C6orf52: variants seen among roughly 807,000 people sequenced by gnomAD.
C6orf52 encodes putative uncharacterized protein C6orf52.
C6orf52 carries 16 observed loss-of-function variants against 16.6 expected under a neutral mutation model. The ratio of observed to expected loss-of-function variants is 0.96; its 90% confidence interval spans 0.65 to 1.46. C6orf52 has a LOEUF of 1.46. C6orf52 is among the 40% of genes most tolerant of loss of function. The pLI is 0.00. For synonymous variants in C6orf52, 53 were observed against 61.4 expected (o/e 0.86, Z 0.64); for missense variants, 166 against 182.3 (o/e 0.91, Z 0.52).
At position 10,687,489 on chromosome 6, in the gene C6orf52, T is replaced by G; in HGVS notation, c.62A>C (p.Tyr21Ser). Residue 21 changes from tyrosine to serine, a missense_variant, in exon 2 of 5, where the codon TAC becomes TCC. Tyr to Ser is a moderately radical substitution (Grantham distance 144). Transcript: ENST00000259983. ...GIAQQNNYYC[Y>S]WQSLPSAIRV... is the part of the protein sequence containing the mutation. ...GGAGAAAACCACTCACCTTTGCCAG[T>G]AGCAGTAATAGTTATTTTGTTGAGC... 1 of 1,547,710 alleles carries G rather than the reference T, an allele frequency of 6.5e-7. No individual in the cohort carries two copies. The highest frequency in any genetic ancestry group is 8.7e-7 in the Non-Finnish European group (1 of 1,143,708).
intron 1 of C6orf52, among the ~76,000 whole-genome samples, chr6:10,688,809 TTTTTG>T (rs912740978): frequency 7.2e-5 from 11 of 152,266 alleles, no homozygotes; most frequent in African/African-American, 2.2e-4. Flanking sequence ...GTTTTGGGGT[TTTTTG>T]TTTTGTTTTG....
intron 4 of C6orf52, among the ~76,000 whole-genome samples, chr6:10,680,852 A>G (rs960383907): frequency 7.2e-5 from 11 of 152,290 alleles, no homozygotes; most frequent in African/African-American, 2.6e-4. Context: ...CCAGGCTGAC[A>G]TGCAGTGGCA....
chr6:10,694,602 A>T lies in C6orf52; in HGVS notation c.-120T>A. On this transcript the variant is annotated 5_prime_UTR_variant, in exon 1 of 5. Coordinates refer to ENST00000259983, the MANE Select transcript of C6orf52 (RefSeq NM_001145020.3). Reference sequence around the variant, plus strand: ...GCTGCCGGCGCTACAGCCCCTAAGCAACCGGCCGGAAGTCGGCCCCACCTC... The same window carrying T: ...GCTGCCGGCGCTACAGCCCCTAAGCTACCGGCCGGAAGTCGGCCCCACCTC... 2 of 196,504 alleles carry T rather than the reference A, an allele frequency of 1.0e-5. No individual in the cohort carries two copies. Among genetic ancestry groups the T allele is most frequent in the South Asian group, 7.2e-5 (1 of 13,822 alleles). 12.2% of individuals were successfully genotyped at this position (196,504 alleles called of 1,614,324 possible). A position where few individuals can be genotyped will look rare whatever the true frequency, so the allele number is the denominator to read the frequency against.
intron 2 of C6orf52, 92 bp downstream of exon 2, chr6:10,687,383 TAAAAA>T (rs144292063): frequency 3.6e-6 from 3 of 837,202 alleles, no homozygotes; most frequent in South Asian, 3.4e-5. Context: ...CCCAGAACTT[TAAAAA>T]AAAAAAAGCC....
intron 4 of C6orf52, among the ~76,000 whole-genome samples, chr6:10,682,737 T>C (rs1379069765): frequency 6.6e-6 from 1 of 152,232 alleles, no homozygotes; most frequent in Non-Finnish European, 1.5e-5. Flanking sequence ...AGGCAAACTT[T>C]GTTCTTTCCA....
At chr6:10,687,323 C>G (rs1490343954) in intron 2 of C6orf52, among the ~76,000 whole-genome samples, 157 bp downstream of exon 2, 1 of 151,940 alleles carries the variant, frequency 6.6e-6, no homozygotes, top group Non-Finnish European at 1.5e-5. Context: ...AGCAAACCAC[C>G]ATGGCACGTG....
chr6:10,677,224 C>A (rs568359676), intron 4 of C6orf52, among the ~76,000 whole-genome samples: 4 of 152,288 alleles, frequency 2.6e-5, no homozygotes, highest in Middle Eastern at 3.4e-3. Flanking sequence ...TAATTTCATT[C>A]TTTTGCATGT....
chr6:10,693,232 G>A (rs1468384859), intron 1 of C6orf52, among the ~76,000 whole-genome samples: 9 of 152,200 alleles, frequency 5.9e-5, no homozygotes, highest in Non-Finnish European at 1.0e-4. Flanking sequence ...ACCCAAAGGC[G>A]TAAGGGACAA....
chr6:10,675,191 T>C (rs2127460307), intron 4 of C6orf52, among the ~76,000 whole-genome samples: 1 of 152,316 alleles, frequency 6.6e-6, no homozygotes, highest in Non-Finnish European at 1.5e-5. Context: ...ACTCTCTCCC[T>C]GCAACTACCC....
intron 4 of C6orf52, 98 bp from the exon 5 acceptor site, chr6:10,671,696 G>T: frequency 1.4e-6 from 1 of 703,872 alleles, no homozygotes; most frequent in Non-Finnish European, 2.2e-6. Flanking sequence ...GCATTTGCAG[G>T]AAGTACTGCA....
chr6:10,672,624 T>C (rs1767531512), intron 4 of C6orf52: 2 of 693,920 alleles, frequency 2.9e-6, no homozygotes, highest in Non-Finnish European at 5.2e-6. Context: ...CTGGGCAACA[T>C]ACTGAGACGT....
Position 10,693,807 on chromosome 6 carries a change from C to T in C6orf52, c.-12+687G>A, listed in dbSNP as rs560216632. ...GCAGTGGAGCGATCTCGGCTCACTG[C>T]AGCCTCGACCTCCTGGGCTCAAGCA... On this transcript the variant is annotated intron_variant, in intron 1 of 4. Coordinates refer to ENST00000259983, the MANE Select transcript of C6orf52 (RefSeq NM_001145020.3). Among the ~76,000 whole-genome samples, 4 of 152,290 alleles carry T rather than the reference C, an allele frequency of 2.6e-5. No homozygotes were observed. In the South Asian group the frequency reaches 8.3e-4, roughly 32 times the overall value.
intron 1 of C6orf52, among the ~76,000 whole-genome samples, chr6:10,690,754 G>T (rs1016268132): frequency 1.3e-5 from 2 of 152,162 alleles, no homozygotes; most frequent in African/African-American, 4.8e-5. Context: ...ATCCTCTCGT[G>T]CTTTAGTGTT....
At chr6:10,688,201 T>G (rs1769017515) in intron 1 of C6orf52, among the ~76,000 whole-genome samples, 1 of 145,310 alleles carries the variant, frequency 6.9e-6, no homozygotes. Context: ...CTGGTTCAGT[T>G]TTTTTTTTTA....
intron 4 of C6orf52, among the ~76,000 whole-genome samples, chr6:10,682,903 A>G (rs1401988360): frequency 1.3e-5 from 2 of 152,208 alleles, no homozygotes; most frequent in Admixed American, 1.3e-4. Context: ...CTCAAAGTCT[A>G]AACTTACAGA....
rs187998738 is a variant in C6orf52, at chr6:10,680,982, T to G, written c.316+2205A>C. 6.0e-4 allele frequency among the ~76,000 whole-genome samples: 91 copies of G among 152,302 alleles called. 1 individual carries two copies. The highest frequency in any genetic ancestry group is 2.1e-3 in the African/African-American group (86 of 41,576). On this transcript the variant is annotated intron_variant, in intron 4 of 4. Coordinates refer to ENST00000259983, the MANE Select transcript of C6orf52 (RefSeq NM_001145020.3). ...TACCCAGTTATTTTTTTAAATTTTT[T>G]GTAGAGACAAGGTCTCACTGTATTG...
intron 3 of C6orf52, among the ~76,000 whole-genome samples, chr6:10,686,734 G>A (rs1365165267): frequency 2.0e-5 from 3 of 152,078 alleles, no homozygotes; most frequent in African/African-American, 7.2e-5. Flanking sequence ...TCCAAACTCA[G>A]CAAATCATAT....
At chr6:10,692,675 G>C (rs961874529) in intron 1 of C6orf52, among the ~76,000 whole-genome samples, 2 of 152,080 alleles carry the variant, frequency 1.3e-5, no homozygotes, top group African/African-American at 4.8e-5. Context: ...TCTTGATCTC[G>C]TCAAAGTGCT....
At chr6:10,673,410 AC>A (rs910622482) in intron 4 of C6orf52, among the ~76,000 whole-genome samples, 3 of 152,214 alleles carry the variant, frequency 2.0e-5, no homozygotes, top group African/African-American at 7.2e-5. Context: ...AATCTTCTAG[AC>A]CCATGTTGTC....
Sources: gnomAD v4.1 joint callset for allele counts (sites outside exome capture counted in the v4.1 genomes callset) on GRCh38, gnomAD v4.1.1 for gene constraint, MANE v1.5 for transcripts, NCBI Gene and HGNC (gene_info 2026-07-23, HGNC 2026-07-21) for gene names.